CACNB2: variants seen among roughly 807,000 people sequenced by gnomAD.
CACNB2 encodes calcium voltage-gated channel auxiliary subunit beta 2, also known as voltage-dependent L-type calcium channel subunit beta-2.
In CACNB2, 42 loss-of-function variants were observed where a neutral mutation model predicts 73.3. The observed-to-expected ratio is 0.57, with a 90% confidence interval of 0.45 to 0.74. The LOEUF is 0.74. Among genes scored for constraint, CACNB2 ranks in the 30% least tolerant of loss-of-function variants. The pLI is 0.00. For missense variants in CACNB2, 940 were observed against 853.0 expected, an observed-to-expected ratio of 1.10 and a Z score of -1.27; for synonymous variants, 348 against 310.3, an observed-to-expected ratio of 1.12 and a Z score of -1.28.
intron 2 of CACNB2, among the ~76,000 whole-genome samples, chr10:18,346,329 G>A (rs972678454): frequency 1.3e-5 from 2 of 151,382 alleles, no homozygotes; most frequent in South Asian, 4.2e-4. Flanking sequence ...TAGTAGAGAC[G>A]GGCTTTCACC....
At chr10:18,276,851 T>TTA (rs1360609280) in intron 2 of CACNB2, among the ~76,000 whole-genome samples, 2 of 152,158 alleles carry the variant, frequency 1.3e-5, no homozygotes, top group Non-Finnish European at 1.5e-5. Flanking sequence ...AGCGCTAGGA[T>TTA]TAAAGGCGTG....
At chr10:18,489,112 G>C (rs1284356861) in intron 3 of CACNB2, among the ~76,000 whole-genome samples, 1 of 152,072 alleles carries the variant, frequency 6.6e-6, no homozygotes, top group Non-Finnish European at 1.5e-5. Context: ...AGGAGATCAA[G>C]ACCATCCTGG....
intron 2 of CACNB2, chr10:18,340,877 G>A (rs777992347): frequency 1.2e-6 from 2 of 1,614,100 alleles, no homozygotes; most frequent in African/African-American, 1.3e-5. Context: ...TCTTGCTCCT[G>A]TGAAGAAAAT....
rs773373763 is a variant in CACNB2 at position 18,539,424 on chromosome 10, G to A, written c.1683G>A (p.Glu561=). The A allele has an allele frequency of 1.4e-5, 22 of 1,613,948 alleles. No homozygotes were observed. The highest frequency in any genetic ancestry group is 4.5e-5 in the East Asian group (2 of 44,866). ...AGACATTTGACTCGGAAACCCAGGA[G>A]AGTCGAGACTCTGCCTACGTAGAGC... The part of the protein sequence containing the change: ...RQETFDSETQ[E]SRDSAYVEPK... The change falls in exon 14 of 14, where the codon GAG becomes GAA. Residue 561 remains glutamate, a synonymous_variant. Transcript: ENST00000324631.
intron 3 of CACNB2, among the ~76,000 whole-genome samples, chr10:18,464,418 T>TAAAAAAAAAAAAAAAAAA (rs762982462): frequency 8.3e-4 from 71 of 85,266 alleles, no homozygotes; most frequent in East Asian, 2.4e-3. Context: ...TCTCAAAAAT[T>TAAAAAAAAAAAAAAAAAA]AAAAAAAAAA....
intron 3 of CACNB2, among the ~76,000 whole-genome samples, chr10:18,487,193 A>G (rs2049110318): frequency 6.6e-6 from 1 of 152,096 alleles, no homozygotes; most frequent in Admixed American, 6.6e-5. Context: ...TCTGTTCCTC[A>G]CTGTACTTGT....
chr10:18,464,161 C>CT (rs369631789), intron 3 of CACNB2, among the ~76,000 whole-genome samples: 75 of 146,070 alleles, frequency 5.1e-4, no homozygotes, highest in East Asian at 6.0e-4. Flanking sequence ...CTTGCCAGTT[C>CT]TTTTTTTTTT....
At chr10:18,358,098 T>C (rs761705827) in intron 2 of CACNB2, among the ~76,000 whole-genome samples, 1 of 152,180 alleles carries the variant, frequency 6.6e-6, no homozygotes, top group Non-Finnish European at 1.5e-5. Context: ...AATTGATTGA[T>C]TAACTGGAGA....
At chr10:18,462,127 T>C (rs1180572607) in intron 3 of CACNB2, among the ~76,000 whole-genome samples, 3 of 152,204 alleles carry the variant, frequency 2.0e-5, no homozygotes, top group African/African-American at 7.2e-5. Context: ...TTTCATAATC[T>C]TTCTCCAGAG....
At chr10:18,197,064 T>C (rs77286225) in intron 2 of CACNB2, among the ~76,000 whole-genome samples, 7,483 of 151,078 alleles carry the variant, frequency 0.05, 246 homozygotes, top group African/African-American at 0.074. Context: ...TCACTCCCCA[T>C]AGGGAACCTC....
intron 3 of CACNB2, among the ~76,000 whole-genome samples, chr10:18,455,822 A>G (rs1195645477): frequency 2.6e-5 from 4 of 152,142 alleles, no homozygotes; most frequent in Admixed American, 2.6e-4. Context: ...TTCTAACTCT[A>G]TCCTTTTAGC....
At chr10:18,364,254 T>C (rs895848588) in intron 2 of CACNB2, among the ~76,000 whole-genome samples, 5 of 150,892 alleles carry the variant, frequency 3.3e-5, no homozygotes, top group African/African-American at 1.2e-4. Flanking sequence ...GTGCCTGCCT[T>C]CTACATGCGT....
At chr10:18,360,189 C>G (rs1432398619) in intron 2 of CACNB2, among the ~76,000 whole-genome samples, 1 of 152,108 alleles carries the variant, frequency 6.6e-6, no homozygotes, top group Non-Finnish European at 1.5e-5. Context: ...TGCCTCCTCT[C>G]CTATATAAAG....
chr10:18,504,508 A>G (rs535086081), intron 5 of CACNB2, among the ~76,000 whole-genome samples: 1 of 152,352 alleles, frequency 6.6e-6, no homozygotes, highest in Non-Finnish European at 1.5e-5. Flanking sequence ...ACTCCAGAGA[A>G]CTAGATTACC....
intron 2 of CACNB2, among the ~76,000 whole-genome samples, chr10:18,293,145 T>C (rs2039136665): frequency 6.6e-6 from 1 of 152,188 alleles, no homozygotes. Context: ...TTAAAAGAGG[T>C]GTACCTTAGT....
At chr10:18,238,199 T>C (rs180946333) in intron 2 of CACNB2, among the ~76,000 whole-genome samples, 6 of 152,314 alleles carry the variant, frequency 3.9e-5, no homozygotes, top group Non-Finnish European at 1.5e-5. Flanking sequence ...GATTGGCATA[T>C]AATGTACTCG....
intron 9 of CACNB2, among the ~76,000 whole-genome samples, 187 bp downstream of exon 9, chr10:18,519,155 C>A (rs1564644625): frequency 6.6e-6 from 1 of 152,116 alleles, no homozygotes; most frequent in Non-Finnish European, 1.5e-5. Context: ...ATCTTTAACC[C>A]CTGATGTCTA....
intron 2 of CACNB2, among the ~76,000 whole-genome samples, chr10:18,194,405 A>G (rs760627792): frequency 6.6e-6 from 1 of 152,170 alleles, no homozygotes; most frequent in Non-Finnish European, 1.5e-5. Context: ...ACTGTAGGCT[A>G]TAGCTCAGTT....
At chr10:18,427,264 G>A (rs1341878980) in intron 3 of CACNB2, among the ~76,000 whole-genome samples, 1 of 152,014 alleles carries the variant, frequency 6.6e-6, no homozygotes, top group Non-Finnish European at 1.5e-5. Flanking sequence ...TCTTATTGCG[G>A]CAAATTTTAT....
Sources: gnomAD v4.1 joint callset for allele counts (sites outside exome capture counted in the v4.1 genomes callset) on GRCh38, gnomAD v4.1.1 for gene constraint, MANE v1.5 for transcripts, NCBI Gene and HGNC (gene_info 2026-07-23, HGNC 2026-07-21) for gene names.